BARX1: variants seen among roughly 807,000 people sequenced by gnomAD.
BARX1 encodes BARX homeobox 1.
A neutral mutation model predicts 19.6 loss-of-function variants in BARX1; 10 were observed. The ratio of observed to expected loss-of-function variants is 0.51; its 90% CI spans 0.31 to 0.86. BARX1 has a LOEUF of 0.86. Among genes scored for constraint, BARX1 ranks in the 40% least tolerant of loss-of-function variants. The pLI, the probability that BARX1 is intolerant of heterozygous loss-of-function variation, is 0.04. For synonymous variants in BARX1, 177 were observed against 170.0 expected (o/e 1.04, Z -0.32); for missense variants, 309 against 360.4 (o/e 0.86, Z 1.15).
At chr9:93,953,381 A>G in intron 1 of BARX1, 194 bp from the exon 2 acceptor site, 1 of 612,936 alleles carries the variant, frequency 1.6e-6, no homozygotes, top group Non-Finnish European at 2.7e-6. Context: ...CAGATTTGGG[A>G]GGGAGTATCT....
chr9:93,954,967 G>T lies in BARX1; in HGVS notation c.180C>A (p.Gly60=), dbSNP rs974809380. The T allele has an allele frequency of 2.1e-6, 3 of 1,396,244 alleles. No individual in the cohort carries two copies. The Admixed American group carries it at 9.3e-5, about 43-fold the overall frequency. The allele number at this position is 1,396,244 out of a possible 1,614,324, so 86.5% of individuals were successfully genotyped here. The change falls in exon 1 of 4, where the codon GGC becomes GGA. Residue 60 remains glycine (G), a synonymous_variant. Coordinates refer to ENST00000253968, the MANE Select transcript of BARX1 (RefSeq NM_021570.4). ...AAAAGELLKF[G]VQALLAARPF... ...GCCGCGCCGCCAGCAGCGCCTGCAC[G>T]CCGAACTTCAGCAGCTCGCCCGCCG...
Position 93,955,224 on chromosome 9 carries a change from G to A in BARX1, c.-78C>T, listed in dbSNP as rs1829148990. ...GGCTCCGGCGCGGGGCCCGCGCGGGGCTCTAGGCCGGCCCGCAGCTCGGGG... is the reference window on the plus strand; with the variant it reads ...GGCTCCGGCGCGGGGCCCGCGCGGGACTCTAGGCCGGCCCGCAGCTCGGGG... On this transcript the variant is annotated 5_prime_UTR_variant, in exon 1 of 4. Coordinates refer to ENST00000253968, the MANE Select transcript of BARX1 (RefSeq NM_021570.4). This position sits in a 1 kb window ranked among gnomAD's most constrained non-coding sequence, Gnocchi z 4.4. The A allele has an allele frequency of 1.1e-5, 7 of 660,200 alleles. No individual in the cohort carries two copies. The highest frequency in any genetic ancestry group is 4.0e-5 in the African/African-American group (2 of 50,230). 40.9% of individuals were successfully genotyped at this position (660,200 alleles called of 1,614,324 possible). A position where few individuals can be genotyped will look rare whatever the true frequency, so the allele number is the denominator to read the frequency against.
In BARX1 at chr9:93,952,776, G is replaced by A. The variant is rs1263813289; in HGVS notation, c.553C>T (p.Gln185Ter). ...LAESLGLSQL[Q>*]VKTWYQNRRM... is the part of the protein sequence containing the mutation. Reference sequence around the variant, plus strand: ...CGATTCTGGTACCACGTCTTCACCTGCAACTGGCTCAGGCCCAGGGACTCA... The same window carrying A: ...CGATTCTGGTACCACGTCTTCACCTACAACTGGCTCAGGCCCAGGGACTCA... Residue 185 changes from glutamine to a stop codon, truncating the protein, a stop_gained, in exon 3 of 4, where the codon CAG (glutamine) becomes TAG (stop). Transcript: ENST00000253968. LOFTEE classifies it high-confidence loss of function. 1 of 1,614,088 alleles carries A rather than the reference G, an allele frequency of 6.2e-7. No individual in the cohort carries two copies. Among genetic ancestry groups the A allele is most frequent in the Non-Finnish European group, 8.5e-7 (1 of 1,180,056 alleles).
At position 93,952,788 on chromosome 9, in the gene BARX1, G is replaced by T. The variant is rs556916619; in HGVS notation, c.541C>A (p.Leu181Met). Residue 181 changes from leucine (L) to methionine (M), a missense_variant, in exon 3 of 4, where the codon CTG becomes ATG. Physicochemically the swap from Leu to Met is conservative, Grantham distance 15. Coordinates refer to ENST00000253968, the MANE Select transcript of BARX1 (RefSeq NM_021570.4). ...DRIDLAESLGLSQLQVKTWYQ... is the reference protein window; with the variant it reads ...DRIDLAESLGMSQLQVKTWYQ... Reference sequence around the variant, plus strand: ...CACGTCTTCACCTGCAACTGGCTCAGGCCCAGGGACTCAGCAAGATCTATT... The same window carrying T: ...CACGTCTTCACCTGCAACTGGCTCATGCCCAGGGACTCAGCAAGATCTATT... The T allele has an allele frequency of 6.2e-7, 1 of 1,614,204 alleles. No individual in the cohort carries two copies. The highest frequency in any genetic ancestry group is 1.1e-5 in the South Asian group (1 of 91,080).
At chr9:93,954,134 A>G (rs1256379200) in intron 1 of BARX1, among the ~76,000 whole-genome samples, 4 of 152,166 alleles carry the variant, frequency 2.6e-5, no homozygotes, top group East Asian at 1.9e-4. Context: ...GGCCGACCCC[A>G]ATGAGAGAAG....
rs562460428 is a variant in BARX1 at position 93,953,123 on chromosome 9, C to T, written c.288G>A (p.Gly96=). 1.8e-5 allele frequency: 28 copies of T among 1,555,012 alleles called. No homozygotes were observed. The Middle Eastern group carries it at 8.9e-4, about 50-fold the overall frequency. The part of the protein sequence containing the change: ...KFPLAPLGCS[G]LSSALLAAGP... Reference sequence around the variant, plus strand: ...CTGCCGCCAGCAACGCAGAGCTCAGCCCTGAACAGCCCAGCGGCGCCAGTG... The same window carrying T: ...CTGCCGCCAGCAACGCAGAGCTCAGTCCTGAACAGCCCAGCGGCGCCAGTG... The change falls in exon 2 of 4, where the codon GGG becomes GGA. Residue 96 remains glycine, a synonymous_variant. Coordinates refer to ENST00000253968, the MANE Select transcript of BARX1 (RefSeq NM_021570.4).
intron 1 of BARX1, 143 bp from the exon 2 acceptor site, chr9:93,953,330 C>T: frequency 2.0e-6 from 2 of 992,418 alleles, no homozygotes; most frequent in South Asian, 1.9e-5. Flanking sequence ...CGGTCGGCGC[C>T]GGTGGCGCAG....
At position 93,951,755 on chromosome 9, in the gene BARX1, T is replaced by G. The variant is rs1032470907; in HGVS notation, c.*409A>C. The stretch of plus-strand genomic sequence containing the variant: ...GTTGCCCCGGGGCAATCTCAGGCCG[T>G]TGTGGCCTGAGCCCAACCGCTGGGT... On this transcript the variant is annotated 3_prime_UTR_variant, in exon 4 of 4. Transcript: ENST00000253968. The G allele has an allele frequency of 1.2e-5, 2 of 167,020 alleles. No individual in the cohort carries two copies. Among genetic ancestry groups the G allele is most frequent in the Non-Finnish European group, 1.3e-5 (1 of 77,424 alleles). The allele number at this position is 167,020 out of a possible 1,614,324, so 10.3% of individuals were successfully genotyped here.
rs1174114119 is a variant in BARX1, at chr9:93,955,271, T to C, written c.-125A>G. 1 of 245,854 alleles carries C rather than the reference T, an allele frequency of 4.1e-6. No individual in the cohort carries two copies. The highest frequency in any genetic ancestry group is 6.3e-6 in the Non-Finnish European group (1 of 158,162). 15.2% of individuals were successfully genotyped at this position (245,854 alleles called of 1,614,324 possible). On this transcript the variant is annotated 5_prime_UTR_variant, in exon 1 of 4. It removes an upstream start codon present in the reference 5' UTR. Coordinates refer to ENST00000253968, the MANE Select transcript of BARX1 (RefSeq NM_021570.4). This position sits in a 1 kb window ranked among gnomAD's most constrained non-coding sequence, Gnocchi z 4.4. ...GGGGCGGCGCGCGGGCGCCGGCTCA[T>C]GCCCCCTCCCCCGCCGGCCGGCCGG...
chr9:93,955,015 G>T lies in BARX1; in HGVS notation c.132C>A (p.Ala44=). 1 of 1,399,564 alleles carries T rather than the reference G, an allele frequency of 7.1e-7. No homozygotes were observed. Among genetic ancestry groups the T allele is most frequent in the Non-Finnish European group, 9.3e-7 (1 of 1,076,568 alleles). The allele number at this position is 1,399,564 out of a possible 1,614,324, so 86.7% of individuals were successfully genotyped here. The part of the protein sequence containing the change: ...ILTEPPGPKG[A]APAAAAAAAG... ...CCGCGGCAGCGGCGGCTGCGGGCGC[G>T]GCGCCCTTGGGCCCGGGTGGCTCCG... is the stretch of plus-strand genomic sequence containing the variant. Residue 44 remains alanine (A), a synonymous_variant, in exon 1 of 4, where the codon GCC becomes GCA. Transcript: ENST00000253968. The surrounding 1 kb of genome is among the most constrained non-coding windows in gnomAD (Gnocchi z 4.4).
Position 93,953,224 on chromosome 9 carries a change from G to A in BARX1, c.224-37C>T, listed in dbSNP as rs752297733. ...GAGAATGAGGACCCGGGTGAGCTAC[G>A]GCCGCGCTCCTCTGCCCCAGGGACT... On this transcript the variant is annotated intron_variant, in intron 1 of 3. Coordinates refer to ENST00000253968, the MANE Select transcript of BARX1 (RefSeq NM_021570.4). 17 of 1,463,038 alleles carry A rather than the reference G, an allele frequency of 1.2e-5. No homozygotes were observed. In the South Asian group the frequency reaches 2.2e-4, roughly 19 times the overall value. 90.6% of individuals were successfully genotyped at this position (1,463,038 alleles called of 1,614,324 possible). A position where few individuals can be genotyped will look rare whatever the true frequency, so the allele number is the denominator to read the frequency against.
chr9:93,951,992 T>A lies in BARX1; in HGVS notation c.*172A>T, dbSNP rs1829107109. ...AAGCGCGCTGGGACCTGGGTCTGGC[T>A]TTTGGGTCTGTGTCCTTCCTCGTTT... On this transcript the variant is annotated 3_prime_UTR_variant, in exon 4 of 4. Coordinates refer to ENST00000253968, the MANE Select transcript of BARX1 (RefSeq NM_021570.4). 1.4e-5 allele frequency: 13 copies of A among 923,164 alleles called. No homozygotes were observed. The East Asian group carries it at 3.5e-4, about 25-fold the overall frequency. 57.2% of individuals were successfully genotyped at this position (923,164 alleles called of 1,614,324 possible).
rs1376358253 is a variant in BARX1 at position 93,955,351 on chromosome 9, A to T, written c.-205T>A. The T allele has an allele frequency of 1.4e-5, 2 of 140,652 alleles. No homozygotes were observed. Among genetic ancestry groups the T allele is most frequent in the Non-Finnish European group, 3.1e-5 (2 of 64,524 alleles). 8.7% of individuals were successfully genotyped at this position (140,652 alleles called of 1,614,324 possible). On this transcript the variant is annotated 5_prime_UTR_variant, in exon 1 of 4. Coordinates refer to ENST00000253968, the MANE Select transcript of BARX1 (RefSeq NM_021570.4). This position sits in a 1 kb window ranked among gnomAD's most constrained non-coding sequence, Gnocchi z 4.4. Reference sequence around the variant, plus strand: ...CGGGGCTCGGCCGGTCGAACCCGGGACTGCGCCCCCTCCCCACGCCGCCGC... The same window carrying T: ...CGGGGCTCGGCCGGTCGAACCCGGGTCTGCGCCCCCTCCCCACGCCGCCGC...
intron 3 of BARX1, 66 bp downstream of exon 3, chr9:93,952,663 C>A: frequency 6.6e-7 from 1 of 1,504,072 alleles, no homozygotes; most frequent in Non-Finnish European, 9.2e-7. Flanking sequence ...AAGAGGAGAG[C>A]AGCTCTGCAT....
Position 93,955,262 on chromosome 9 carries a change from G to T in BARX1, c.-116C>A, listed in dbSNP as rs1476929138. On this transcript the variant is annotated 5_prime_UTR_variant, in exon 1 of 4. Transcript: ENST00000253968. The surrounding 1 kb of genome is among the most constrained non-coding windows in gnomAD (Gnocchi z 4.4). ...CCGCAGCTCGGGGCGGCGCGCGGGCGCCGGCTCATGCCCCCTCCCCCGCCG... is the reference window on the plus strand; with the variant it reads ...CCGCAGCTCGGGGCGGCGCGCGGGCTCCGGCTCATGCCCCCTCCCCCGCCG... The T allele has an allele frequency of 1.4e-5, 4 of 285,160 alleles. No homozygotes were observed. Among genetic ancestry groups the T allele is most frequent in the Non-Finnish European group, 2.1e-5 (4 of 193,404 alleles). The allele number at this position is 285,160 out of a possible 1,614,324, so 17.7% of individuals were successfully genotyped here.
At chr9:93,954,805 G>T in intron 1 of BARX1, 119 bp downstream of exon 1, 1 of 669,266 alleles carries the variant, frequency 1.5e-6, no homozygotes, top group Non-Finnish European at 2.1e-6. Context: ...CAGAACCTGC[G>T]CTCCCAGAGC....
At position 93,954,996 on chromosome 9, in the gene BARX1, C is replaced by T. The variant is rs576837358; in HGVS notation, c.151G>A (p.Ala51Thr). The change falls in exon 1 of 4, where the codon GCC becomes ACC. Residue 51 changes from alanine (A) to threonine (T), a missense_variant. Around this residue, in one of 3 missense-constraint regions of BARX1, gnomAD observed 204 missense variants for 206.8 expected, o/e 0.99. Coordinates refer to ENST00000253968, the MANE Select transcript of BARX1 (RefSeq NM_021570.4). The stretch of plus-strand genomic sequence containing the variant: ...AACTTCAGCAGCTCGCCCGCCGCGG[C>T]AGCGGCGGCTGCGGGCGCGGCGCCC... ...PKGAAPAAAA[A>T]AAGELLKFGV... 14 of 1,400,050 alleles carry T rather than the reference C, an allele frequency of 1.0e-5. No homozygotes were observed. The highest frequency in any genetic ancestry group is 6.0e-5 in the African/African-American group (4 of 66,116). The allele number at this position is 1,400,050 out of a possible 1,614,324, so 86.7% of individuals were successfully genotyped here. A position where few individuals can be genotyped will look rare whatever the true frequency, so the allele number is the denominator to read the frequency against.
At chr9:93,954,284 C>T (rs1303739419) in intron 1 of BARX1, among the ~76,000 whole-genome samples, 1 of 152,236 alleles carries the variant, frequency 6.6e-6, no homozygotes, top group Non-Finnish European at 1.5e-5. Flanking sequence ...AAAAGGTCTG[C>T]GCAGGCCGTT....
Position 93,952,227 on chromosome 9 carries a change from G to A in BARX1, c.702C>T (p.Ala234=), listed in dbSNP as rs375434411. The A allele has an allele frequency of 4.2e-5, 68 of 1,611,904 alleles. No individual in the cohort carries two copies. The highest frequency in any genetic ancestry group is 3.3e-4 in the Middle Eastern group (2 of 6,084). ...CCTCCGCCGGTTTCTCTGCATCCTT[G>A]GCGCGCTCCTGCTCAGTAAGCTGCT... ...TSEQLTEQER[A]KDAEKPAEVP... The change falls in exon 4 of 4, where the codon GCC becomes GCT. Residue 234 remains alanine (A), a synonymous_variant. Transcript: ENST00000253968.
Sources: allele counts gnomAD v4.1 joint callset (sites outside exome capture counted in the v4.1 genomes callset), GRCh38; gene constraint gnomAD v4.1.1; regional missense constraint gnomAD v4.1.1; non-coding constraint Gnocchi (gnomAD v3.1); transcripts MANE v1.5; gene names NCBI Gene and HGNC (gene_info 2026-07-23, HGNC 2026-07-21).